CEP350: variants seen among roughly 807,000 people sequenced by gnomAD.
CEP350 encodes centrosome-associated protein 350.
CEP350 carries 126 observed loss-of-function variants against 331.8 expected under a neutral mutation model. The ratio of observed to expected loss-of-function variants is 0.38; its 90% CI spans 0.33 to 0.44. The LOEUF (loss-of-function observed/expected upper bound fraction) is 0.44. Ranked by LOEUF, CEP350 falls within the 20% of genes least tolerant of loss-of-function variation. CEP350 has a pLI of 1.00. For synonymous variants in CEP350, 1,200 were observed against 1,259.5 expected (o/e 0.95, Z 1.00); for missense variants, 3,406 against 3,634.6 (o/e 0.94, Z 1.62).
chr1:180,053,108 A>G lies in CEP350; in HGVS notation c.4931A>G (p.His1644Arg). The G allele has an allele frequency of 6.2e-7, 1 of 1,608,880 alleles. No homozygotes were observed. Residue 1644 changes from histidine (H) to arginine (R), a missense_variant, in exon 23 of 38, where the codon CAT becomes CGT. Around this residue, in one of 5 missense-constraint regions of CEP350, gnomAD observed 104 missense variants for 143.3 expected, o/e 0.73. Transcript: ENST00000367607. ...TTTAACATGGAAAAGAGAAGAGGTC[A>G]TCATGATGACTCTGATGAAGAAGCT... ...RRFNMEKRRG[H>R]HDDSDEEASP... is the part of the protein sequence containing the mutation.
intron 29 of CEP350, among the ~76,000 whole-genome samples, chr1:180,079,387 A>C (rs1659425529): frequency 6.6e-6 from 1 of 151,978 alleles, no homozygotes; most frequent in South Asian, 2.1e-4. Context: ...TTCCATTTTT[A>C]TTGTGATAGA....
At chr1:180,054,371 A>G in intron 24 of CEP350, 44 bp from the exon 25 acceptor site, 1 of 1,431,492 alleles carries the variant, frequency 7.0e-7, no homozygotes, top group Non-Finnish European at 9.6e-7. Flanking sequence ...CAGGTAAGAG[A>G]AATTTAATCA....
intron 18 of CEP350, 109 bp downstream of exon 18, chr1:180,041,357 A>T (rs1249176821): frequency 3.8e-6 from 3 of 789,084 alleles, no homozygotes; most frequent in Non-Finnish European, 5.9e-6. Flanking sequence ...TATATAAATA[A>T]TAAAGTTTTA....
intron 37 of CEP350, among the ~76,000 whole-genome samples, chr1:180,105,339 T>G (rs1363164688): frequency 1.3e-5 from 2 of 152,088 alleles, no homozygotes; most frequent in Non-Finnish European, 2.9e-5. Flanking sequence ...ACACTCCTTC[T>G]CAGTCTCATG....
Position 180,078,682 on chromosome 1 carries a change from A to C in CEP350, c.5979+8A>C, listed in dbSNP as rs74895300. ...ACCTCTCCTAGTAAACATGTAAGTT[A>C]ATGTATATTTATATCTTAAAGATTC... On this transcript the variant is annotated splice_region_variant and intron_variant, in intron 29 of 37. Transcript: ENST00000367607. 0.026 allele frequency: 40,839 copies of C among 1,582,394 alleles called. 857 individuals are homozygous for C. The highest frequency in any genetic ancestry group is 0.073 in the African/African-American group (5,412 of 73,920).
Position 180,075,231 on chromosome 1 carries a change from A to G in CEP350, c.5767+10A>G. ...AGAACAGAACAGAAAGGTAATAAAT[A>G]CTAACTCTGTTCACACTACAAACTA... On this transcript the variant is annotated intron_variant, in intron 28 of 37. Coordinates refer to ENST00000367607, the MANE Select transcript of CEP350 (RefSeq NM_014810.5). 6.3e-7 allele frequency: 1 copy of G among 1,594,844 alleles called. No individual in the cohort carries two copies. The highest frequency in any genetic ancestry group is 8.6e-7 in the Non-Finnish European group (1 of 1,168,964).
At chr1:180,011,213 C>A (rs892106207) in intron 8 of CEP350, among the ~76,000 whole-genome samples, 7 of 152,132 alleles carry the variant, frequency 4.6e-5, no homozygotes, top group Non-Finnish European at 8.8e-5. Context: ...ACTTTTGGTA[C>A]ATATCTGTAA....
At chr1:180,036,786 TC>T in intron 16 of CEP350, 139 bp from the exon 17 acceptor site, 2 of 808,244 alleles carry the variant, frequency 2.5e-6, no homozygotes, top group Non-Finnish European at 3.7e-6. Flanking sequence ...CTGCAGTATC[TC>T]CAAGGTATTC....
chr1:180,073,678 C>A, intron 27 of CEP350: 1 of 772,824 alleles, frequency 1.3e-6, no homozygotes, highest in Non-Finnish European at 1.8e-6. Context: ...TTATAATGTT[C>A]TTCAGGAAGC....
intron 1 of CEP350, among the ~76,000 whole-genome samples, chr1:179,974,758 A>C (rs973902635): frequency 6.6e-6 from 1 of 152,220 alleles, no homozygotes; most frequent in Non-Finnish European, 1.5e-5. Context: ...TTGGGAGGCC[A>C]AGGCAGGAGG....
intron 37 of CEP350, among the ~76,000 whole-genome samples, chr1:180,106,091 A>G (rs1661124856): frequency 6.6e-6 from 1 of 152,214 alleles, no homozygotes; most frequent in Non-Finnish European, 1.5e-5. Flanking sequence ...CAAAGTATAG[A>G]TGCTGTGGAA....
intron 32 of CEP350, 92 bp downstream of exon 32, chr1:180,087,809 A>G: frequency 8.3e-7 from 1 of 1,204,208 alleles, no homozygotes; most frequent in South Asian, 2.8e-5. Flanking sequence ...TAAGTAACTG[A>G]AATTACAGAA....
chr1:180,061,589 A>G (rs184116970), intron 25 of CEP350, among the ~76,000 whole-genome samples: 242 of 152,350 alleles, frequency 1.6e-3, no homozygotes, highest in Non-Finnish European at 2.9e-3. Flanking sequence ...TTCTGCCCAC[A>G]TAGCAACTGA....
At chr1:179,987,754 C>T (rs1449547982) in intron 3 of CEP350, among the ~76,000 whole-genome samples, 1 of 151,270 alleles carries the variant, frequency 6.6e-6, no homozygotes, top group Non-Finnish European at 1.5e-5. Context: ...TGGCAAAGCC[C>T]TGTCTCTACC....
chr1:179,996,159 G>A (rs891171919), intron 5 of CEP350, among the ~76,000 whole-genome samples: 1 of 152,062 alleles, frequency 6.6e-6, no homozygotes, highest in Non-Finnish European at 1.5e-5. Context: ...GATAGAGGGG[G>A]TATTGAGCCT....
chr1:179,987,084 C>T (rs57093990), intron 2 of CEP350, among the ~76,000 whole-genome samples, 156 bp from the exon 3 acceptor site: 2,023 of 152,088 alleles, frequency 0.013, 53 homozygotes, highest in African/African-American at 0.046. Context: ...CCCATTTTGA[C>T]TCAATATAAT....
chr1:180,043,992 TA>T, intron 20 of CEP350, 58 bp from the exon 21 acceptor site: 1 of 1,418,294 alleles, frequency 7.1e-7, no homozygotes, highest in Non-Finnish European at 9.3e-7. Context: ...AAGCAATACT[TA>T]AAATCTTTCT....
chr1:180,096,406 A>G (rs1049406373), intron 36 of CEP350, among the ~76,000 whole-genome samples: 5 of 151,710 alleles, frequency 3.3e-5, no homozygotes, highest in African/African-American at 9.7e-5. Context: ...TTTGTGCAAA[A>G]AAAAAAAAAA....
chr1:180,109,696 C>T (rs1258911636), intron 37 of CEP350, among the ~76,000 whole-genome samples: 1 of 152,096 alleles, frequency 6.6e-6, no homozygotes, highest in African/African-American at 2.4e-5. Flanking sequence ...AGTGAAGTGG[C>T]GCAATCTTGG....
Sources: gnomAD v4.1 joint callset for allele counts (sites outside exome capture counted in the v4.1 genomes callset) on GRCh38, gnomAD v4.1.1 for gene constraint, gnomAD v4.1.1 regional missense constraint, MANE v1.5 for transcripts, NCBI Gene and HGNC (gene_info 2026-07-23, HGNC 2026-07-21) for gene names.